Variants in CEP112 observed in about 807,000 individuals in gnomAD.
The protein encoded by CEP112 is centrosomal protein 112.
Under a neutral mutation model 153.0 loss-of-function variants are expected in CEP112, and 127 were observed. That is an observed-to-expected ratio of 0.83 (90% CI 0.72 to 0.96). CEP112 has a LOEUF of 0.96. CEP112 is among the 40% of genes least tolerant of loss of function. The probability of loss-of-function intolerance (pLI) is 0.00; values close to 1 mark genes in which losing one functional copy is unlikely to be tolerated. For synonymous variants in CEP112, 358 were observed against 374.4 expected, an observed-to-expected ratio of 0.96 and a Z score of 0.51; for missense variants, 1,089 against 1,101.2, an observed-to-expected ratio of 0.99 and a Z score of 0.16.
chr17:66,177,691 C>G (rs1411183096), intron 2 of CEP112, among the ~76,000 whole-genome samples: 1 of 152,080 alleles, frequency 6.6e-6, no homozygotes, highest in Non-Finnish European at 1.5e-5. Context: ...TGTTTTTGTA[C>G]CCATTAACCA....
At chr17:65,781,008 T>C (rs2053965288) in intron 21 of CEP112, among the ~76,000 whole-genome samples, 1 of 152,168 alleles carries the variant, frequency 6.6e-6, no homozygotes, top group Admixed American at 6.5e-5. Context: ...CACTAAGCTA[T>C]GCTATGTCAG....
intron 6 of CEP112, among the ~76,000 whole-genome samples, chr17:66,101,565 G>A (rs1343485098): frequency 1.3e-5 from 2 of 151,856 alleles, no homozygotes; most frequent in African/African-American, 4.8e-5. Flanking sequence ...AATTTAAAAG[G>A]CAGCAGCAAT....
At chr17:65,899,313 T>C (rs1347197501) in intron 20 of CEP112, among the ~76,000 whole-genome samples, 2 of 152,148 alleles carry the variant, frequency 1.3e-5, no homozygotes, top group Non-Finnish European at 2.9e-5. Context: ...TAAAATTTAA[T>C]GTGCACATTA....
chr17:65,980,314 C>A (rs746100958), intron 17 of CEP112, among the ~76,000 whole-genome samples: 3 of 152,112 alleles, frequency 2.0e-5, no homozygotes, highest in Non-Finnish European at 2.9e-5. Context: ...TGTTAAAATT[C>A]ATGACATCAA....
At chr17:65,992,398 TAAGC>T (rs1238210211) in intron 17 of CEP112, among the ~76,000 whole-genome samples, 6 of 152,172 alleles carry the variant, frequency 3.9e-5, no homozygotes, top group Non-Finnish European at 8.8e-5. Flanking sequence ...CTATGCATAT[TAAGC>T]AAGAAAAGAT....
intron 17 of CEP112, among the ~76,000 whole-genome samples, chr17:65,990,588 G>T (rs1478676165): frequency 6.6e-6 from 1 of 152,222 alleles, no homozygotes; most frequent in Admixed American, 6.5e-5. Context: ...CACCTGGACT[G>T]GCCCATGCCC....
At chr17:65,845,155 A>T (rs2057683244) in intron 21 of CEP112, among the ~76,000 whole-genome samples, 1 of 152,106 alleles carries the variant, frequency 6.6e-6, no homozygotes, top group Non-Finnish European at 1.5e-5. Flanking sequence ...CTGCGTCTGT[A>T]CTAAAATATA....
At chr17:65,671,152 A>G (rs1479709643) in intron 24 of CEP112, among the ~76,000 whole-genome samples, 1 of 152,050 alleles carries the variant, frequency 6.6e-6, no homozygotes, top group African/African-American at 2.4e-5. Flanking sequence ...GTGGAAAGAG[A>G]AGGACTATAA....
intron 20 of CEP112, among the ~76,000 whole-genome samples, chr17:65,877,521 C>A (rs2058878309): frequency 6.6e-6 from 1 of 152,202 alleles, no homozygotes; most frequent in South Asian, 2.1e-4. Flanking sequence ...CTGTCTCACT[C>A]TCCTCATTCC....
chr17:65,954,345 G>A (rs992717656), intron 18 of CEP112, among the ~76,000 whole-genome samples: 1 of 152,072 alleles, frequency 6.6e-6, no homozygotes, highest in African/African-American at 2.4e-5. Flanking sequence ...CACCCCATAG[G>A]ACAAAAGAAT....
intron 20 of CEP112, among the ~76,000 whole-genome samples, chr17:65,879,852 C>CAAAAAAAAA (rs777426324): frequency 1.3e-5 from 1 of 74,912 alleles, no homozygotes; most frequent in Non-Finnish European, 2.8e-5. Flanking sequence ...AAAAAATTTG[C>CAAAAAAAAA]AAAAAAAAAA....
chr17:65,915,094 T>C (rs1043258196), intron 19 of CEP112, among the ~76,000 whole-genome samples: 1 of 152,190 alleles, frequency 6.6e-6, no homozygotes, highest in Non-Finnish European at 1.5e-5. Context: ...CCTCACTGGT[T>C]GTTCCTTCTC....
At chr17:66,181,045 T>G (rs1248376213) in intron 2 of CEP112, among the ~76,000 whole-genome samples, 1 of 152,192 alleles carries the variant, frequency 6.6e-6, no homozygotes, top group Non-Finnish European at 1.5e-5. Flanking sequence ...AAATAGTTTT[T>G]CAATCTACAT....
At chr17:66,135,937 GT>G (rs1404282583) in intron 4 of CEP112, among the ~76,000 whole-genome samples, 1 of 152,128 alleles carries the variant, frequency 6.6e-6, no homozygotes. Context: ...AGGGGGTGAC[GT>G]CAGATGTCAG....
At chr17:65,691,354 C>G (rs759382267) in intron 23 of CEP112, among the ~76,000 whole-genome samples, 6 of 152,146 alleles carry the variant, frequency 3.9e-5, no homozygotes, top group Non-Finnish European at 8.8e-5. Context: ...AGGTTCTAGA[C>G]TCCTTTGAGA....
chr17:66,183,617 T>C (rs537021744), intron 1 of CEP112, among the ~76,000 whole-genome samples: 1 of 152,122 alleles, frequency 6.6e-6, no homozygotes, highest in Non-Finnish European at 1.5e-5. Flanking sequence ...CAATTGGTAT[T>C]GGTGAAAGGA....
chr17:65,854,154 T>G (rs2058054910), intron 20 of CEP112, among the ~76,000 whole-genome samples: 1 of 152,140 alleles, frequency 6.6e-6, no homozygotes, highest in South Asian at 2.1e-4. Context: ...AAGCACAGCC[T>G]AAACCAACAT....
At chr17:65,970,332 C>T (rs1460995570) in intron 17 of CEP112, among the ~76,000 whole-genome samples, 1 of 151,828 alleles carries the variant, frequency 6.6e-6, no homozygotes, top group Non-Finnish European at 1.5e-5. Flanking sequence ...ATATTGCATG[C>T]ATATTACATG....
intron 21 of CEP112, among the ~76,000 whole-genome samples, chr17:65,756,207 C>T (rs1167525028): frequency 1.3e-5 from 2 of 151,902 alleles, no homozygotes; most frequent in Non-Finnish European, 2.9e-5. Context: ...AGTTCGAGAC[C>T]AGCCTGACCA....
Sources: allele counts gnomAD v4.1 joint callset (sites outside exome capture counted in the v4.1 genomes callset), GRCh38; gene constraint gnomAD v4.1.1; transcripts MANE v1.5; gene names NCBI Gene and HGNC (gene_info 2026-07-23, HGNC 2026-07-21).